Variants in NSUN6 observed in about 807,000 individuals in gnomAD.
NSUN6 encodes NOP2/Sun RNA methyltransferase 6.
A neutral mutation model predicts 58.0 loss-of-function variants in NSUN6; 64 were observed. That is an observed-to-expected ratio of 1.10 (90% CI 0.90 to 1.36). NSUN6 has a LOEUF of 1.36. Among genes scored for constraint, NSUN6 ranks in the 40% most tolerant of loss-of-function variants. The pLI, the probability that NSUN6 is intolerant of heterozygous loss-of-function variation, is 0.00. For synonymous variants in NSUN6, 231 were observed against 193.9 expected, an observed-to-expected ratio of 1.19 and a Z score of -1.59; for missense variants, 701 against 550.1, an observed-to-expected ratio of 1.27 and a Z score of -2.74.
intron 8 of NSUN6, among the ~76,000 whole-genome samples, chr10:18,558,693 TGGCGGAA>T (rs1564714934): frequency 3.0e-5 from 4 of 134,958 alleles, no homozygotes; most frequent in African/African-American, 1.1e-4. Context: ...TGGAATGGAA[TGGCGGAA>T]GGAATGGAAT....
intron 3 of NSUN6, among the ~76,000 whole-genome samples, chr10:18,629,899 C>A (rs1047776910): frequency 1.3e-5 from 2 of 149,986 alleles, no homozygotes; most frequent in African/African-American, 4.9e-5. Flanking sequence ...CTGCACCAAG[C>A]GGACCTAATA....
intron 3 of NSUN6, among the ~76,000 whole-genome samples, chr10:18,622,779 G>A (rs879849702): frequency 3.9e-5 from 6 of 152,198 alleles, no homozygotes; most frequent in Non-Finnish European, 7.3e-5. Flanking sequence ...GATTTCAAGA[G>A]ATTTATGCTG....
chr10:18,653,034 C>G, upstream of NSUN6: 1 of 984,620 alleles, frequency 1.0e-6, no homozygotes, highest in East Asian at 1.1e-4. Context: ...ATGGCTAAAA[C>G]ATCTGAAAGT....
chr10:18,590,963 G>T (rs549619138), intron 7 of NSUN6, among the ~76,000 whole-genome samples: 20 of 152,156 alleles, frequency 1.3e-4, no homozygotes, highest in Non-Finnish European at 2.5e-4. Flanking sequence ...CTGGTTTTTT[G>T]AAAAGATTAA....
At chr10:18,594,105 C>G (rs915553159) in intron 7 of NSUN6, among the ~76,000 whole-genome samples, 7 of 150,814 alleles carry the variant, frequency 4.6e-5, no homozygotes, top group African/African-American at 1.7e-4. Flanking sequence ...GAGACTGAGG[C>G]ATGAGAATCG....
At position 18,644,886 on chromosome 10, in the gene NSUN6, G is replaced by A. The variant is rs372430708; in HGVS notation, c.232-2331C>T. Among the ~76,000 whole-genome samples, 231 of 146,496 alleles carry A rather than the reference G, an allele frequency of 1.6e-3. 2 individuals are homozygous for A. Among genetic ancestry groups the A allele is most frequent in the African/African-American group, 5.2e-3 (207 of 39,666 alleles). ...AACTGAAAACGTGTAGGTCAGGCAC[G>A]GTGGCTCACTCCTGTAATCCCAGCA... On this transcript the variant is annotated intron_variant, in intron 2 of 10. Coordinates refer to ENST00000377304, the MANE Select transcript of NSUN6 (RefSeq NM_182543.5).
chr10:18,611,784 T>A (rs188887770), intron 5 of NSUN6, among the ~76,000 whole-genome samples: 4 of 152,094 alleles, frequency 2.6e-5, no homozygotes, highest in Non-Finnish European at 5.9e-5. Context: ...TTGCCCAGAC[T>A]GGCATCAAAC....
intron 3 of NSUN6, among the ~76,000 whole-genome samples, chr10:18,628,445 C>G (rs147765484): frequency 6.6e-6 from 1 of 152,136 alleles, no homozygotes; most frequent in South Asian, 2.1e-4. Flanking sequence ...CTTCAGACGA[C>G]CAAATTACTC....
intron 3 of NSUN6, among the ~76,000 whole-genome samples, chr10:18,616,567 T>C (rs1411135602): frequency 6.6e-6 from 1 of 152,242 alleles, no homozygotes; most frequent in Non-Finnish European, 1.5e-5. Context: ...CAAGCATTAC[T>C]GTTTATCATA....
At chr10:18,638,628 G>A (rs1413782764) in intron 3 of NSUN6, among the ~76,000 whole-genome samples, 11 of 152,130 alleles carry the variant, frequency 7.2e-5, no homozygotes, top group Admixed American at 1.3e-4. Flanking sequence ...AACATTTGAT[G>A]CCACAGGTTA....
intron 2 of NSUN6, among the ~76,000 whole-genome samples, chr10:18,647,713 G>A (rs1182907637): frequency 2.1e-5 from 3 of 145,496 alleles, no homozygotes; most frequent in Admixed American, 7.0e-5. Flanking sequence ...AACATAAGGC[G>A]CTCAACACCT....
At chr10:18,646,413 G>A (rs543117747) in intron 2 of NSUN6, among the ~76,000 whole-genome samples, 29 of 152,064 alleles carry the variant, frequency 1.9e-4, no homozygotes, top group Non-Finnish European at 3.5e-4. Context: ...GACTCTGACC[G>A]AAGCTTCCCT....
chr10:18,615,798 G>C (rs1030668508), intron 4 of NSUN6, among the ~76,000 whole-genome samples: 1 of 152,176 alleles, frequency 6.6e-6, no homozygotes, highest in African/African-American at 2.4e-5. Flanking sequence ...AATACATTAA[G>C]AGTATCAAGT....
intron 6 of NSUN6, among the ~76,000 whole-genome samples, chr10:18,600,969 T>C (rs2057808463): frequency 9.1e-6 from 1 of 110,430 alleles, no homozygotes; most frequent in East Asian, 3.0e-4. Flanking sequence ...TACATATATA[T>C]ATATATATGT....
chr10:18,603,563 C>T (rs895040246), intron 6 of NSUN6, among the ~76,000 whole-genome samples: 2 of 151,774 alleles, frequency 1.3e-5, no homozygotes, highest in African/African-American at 2.4e-5. Context: ...CTCCGCCTCC[C>T]GGGTTCAAGT....
Position 18,586,003 on chromosome 10 carries a change from A to G in NSUN6, c.868T>C (p.Phe290Leu), listed in dbSNP as rs1248389481. 3 of 1,612,278 alleles carry G rather than the reference A, an allele frequency of 1.9e-6. No homozygotes were observed. The highest frequency in any genetic ancestry group is 1.7e-4 in the Middle Eastern group (1 of 6,058). ...LLLGLNSIRA[F>L]CFDGTKAVKL... ...ACCGCCTTTGTTCCATCAAAACAAA[A>G]TGCCCTGATGGAATTCAGCCCTAAC... The change falls in exon 8 of 11, where the codon TTT becomes CTT. Residue 290 changes from phenylalanine to leucine, a missense_variant. Phe to Leu is a conservative substitution (Grantham distance 22, BLOSUM62 0). Coordinates refer to ENST00000377304, the MANE Select transcript of NSUN6 (RefSeq NM_182543.5).
chr10:18,550,724 ATC>A (rs1263299105), intron 9 of NSUN6, among the ~76,000 whole-genome samples: 3 of 110,730 alleles, frequency 2.7e-5, no homozygotes, highest in African/African-American at 6.9e-5. Context: ...CCCCCAAAAA[ATC>A]TCTTTTTTTT....
At chr10:18,552,852 C>T (rs1445954175) in intron 8 of NSUN6, among the ~76,000 whole-genome samples, 5 of 151,688 alleles carry the variant, frequency 3.3e-5, no homozygotes, top group African/African-American at 9.7e-5. Flanking sequence ...CTACACTACA[C>T]TGCATTCCAC....
At chr10:18,554,945 G>GGAATA (rs2061038051) in intron 8 of NSUN6, among the ~76,000 whole-genome samples, 1 of 150,264 alleles carries the variant, frequency 6.7e-6, no homozygotes, top group South Asian at 2.1e-4. Context: ...GGAATGGAAT[G>GGAATA]GAATGAAATG....
Sources: gnomAD v4.1 joint callset for allele counts (sites outside exome capture counted in the v4.1 genomes callset) on GRCh38, gnomAD v4.1.1 for gene constraint, MANE v1.5 for transcripts, NCBI Gene and HGNC (gene_info 2026-07-23, HGNC 2026-07-21) for gene names.